The following RANBP9 variants were observed in gnomAD, a reference collection of about 807,000 sequenced individuals.
RANBP9 encodes ran-binding protein 9.
In RANBP9, 15 loss-of-function variants were observed where a neutral mutation model predicts 84.3. That is an observed-to-expected ratio of 0.18 (90% CI 0.12 to 0.27). The LOEUF (loss-of-function observed/expected upper bound fraction) is 0.27, where lower values mean the gene tolerates loss of function less well. RANBP9 is among the 10% of genes least tolerant of loss of function. RANBP9 has a pLI of 1.00. For missense variants in RANBP9, 809 were observed against 912.8 expected (o/e 0.89, Z 1.46); for synonymous variants, 392 against 349.6 (o/e 1.12, Z -1.35).
At chr6:13,640,501 A>G (rs1049379557) in intron 8 of RANBP9, among the ~76,000 whole-genome samples, 2 of 152,226 alleles carry the variant, frequency 1.3e-5, no homozygotes, top group Non-Finnish European at 2.9e-5. Context: ...GGTAGAAGCA[A>G]ACTTTAAGTG....
chr6:13,632,895 T>G (rs947497247), intron 11 of RANBP9: 1 of 159,358 alleles, frequency 6.3e-6, no homozygotes, highest in African/African-American at 2.4e-5. Flanking sequence ...CTGCCTTAAC[T>G]GACGTAGTAG....
chr6:13,636,718 C>T (rs1042195366), intron 10 of RANBP9, among the ~76,000 whole-genome samples: 3 of 152,152 alleles, frequency 2.0e-5, no homozygotes, highest in Non-Finnish European at 4.4e-5. Context: ...CTGTGAAAGA[C>T]GATTTTTCTG....
At chr6:13,653,202 C>T (rs955231283) in intron 4 of RANBP9, among the ~76,000 whole-genome samples, 5 of 152,086 alleles carry the variant, frequency 3.3e-5, no homozygotes, top group Admixed American at 1.3e-4. Flanking sequence ...AATTCTTTAA[C>T]TTATGATTTA....
rs1337154546 is a variant in RANBP9, at chr6:13,711,431, C to T, written c.75G>A (p.Ala25=). ...QQQQLSPPPP[A]ALAPVSGVVL... is the part of the protein sequence containing the mutation. Reference sequence around the variant, plus strand: ...CGACTCCGGAGACTGGGGCCAAGGCCGCCGGCGGTGGCGGCGACAGCTGCT... The same window carrying T: ...CGACTCCGGAGACTGGGGCCAAGGCTGCCGGCGGTGGCGGCGACAGCTGCT... Residue 25 remains alanine, a synonymous_variant, in exon 1 of 14, where the codon GCG becomes GCA. Transcript: ENST00000011619. 1.7e-6 allele frequency: 2 copies of T among 1,195,788 alleles called. No individual in the cohort carries two copies. The highest frequency in any genetic ancestry group is 1.0e-6 in the Non-Finnish European group (1 of 964,848). 74.1% of individuals were successfully genotyped at this position (1,195,788 alleles called of 1,614,324 possible). A position where few individuals can be genotyped will look rare whatever the true frequency, so the allele number is the denominator to read the frequency against.
At chr6:13,704,976 G>T (rs1331095051) in intron 1 of RANBP9, among the ~76,000 whole-genome samples, 1 of 152,102 alleles carries the variant, frequency 6.6e-6, no homozygotes. Flanking sequence ...TGAGCTCTCT[G>T]AATTCAATGA....
intron 13 of RANBP9, among the ~76,000 whole-genome samples, chr6:13,623,005 T>C (rs545009836): frequency 6.6e-6 from 1 of 152,194 alleles, no homozygotes; most frequent in African/African-American, 2.4e-5. Context: ...TAAGTGGTGG[T>C]GGTGACAGTG....
In RANBP9 at chr6:13,657,125, C is replaced by T. The variant is rs1174286494; in HGVS notation, c.888G>A (p.Lys296=). The T allele has an allele frequency of 6.2e-7, 1 of 1,610,344 alleles. No individual in the cohort carries two copies. The highest frequency in any genetic ancestry group is 1.1e-5 in the South Asian group (1 of 90,244). ...NLINNTCFYT[K]NGHSLGIAFT... ...TCTCAGTACCTAAACTATGTCCATTCTTGGTGTAAAAGCAGGTATTGTTGA... is the reference window on the plus strand; with the variant it reads ...TCTCAGTACCTAAACTATGTCCATTTTTGGTGTAAAAGCAGGTATTGTTGA... The change falls in exon 4 of 14, where the codon AAG becomes AAA. Residue 296 remains lysine, a synonymous_variant. Coordinates refer to ENST00000011619, the MANE Select transcript of RANBP9 (RefSeq NM_005493.3).
At chr6:13,677,074 C>T (rs1765901680) in intron 2 of RANBP9, among the ~76,000 whole-genome samples, 1 of 152,100 alleles carries the variant, frequency 6.6e-6, no homozygotes, top group African/African-American at 2.4e-5. Flanking sequence ...AATAAACCTA[C>T]TTTTGTAGCT....
intron 1 of RANBP9, among the ~76,000 whole-genome samples, chr6:13,698,951 G>T (rs531573424): frequency 1.2e-3 from 183 of 152,224 alleles, no homozygotes; most frequent in African/African-American, 4.2e-3. Flanking sequence ...GTCCTATTCT[G>T]ACTACTTCTA....
intron 12 of RANBP9, among the ~76,000 whole-genome samples, chr6:13,626,886 T>G (rs1764621655): frequency 6.6e-6 from 1 of 152,232 alleles, no homozygotes; most frequent in South Asian, 2.1e-4. Flanking sequence ...TTAACTGTAC[T>G]CTTGCCCTTT....
At chr6:13,683,411 T>C (rs930601715) in intron 2 of RANBP9, among the ~76,000 whole-genome samples, 5 of 152,218 alleles carry the variant, frequency 3.3e-5, no homozygotes, top group Admixed American at 3.3e-4. Context: ...CTTAAAGTTA[T>C]ATGACATGGG....
In RANBP9 at chr6:13,622,190, A is replaced by C; in HGVS notation, c.*172T>G. The C allele has an allele frequency of 1.8e-6, 1 of 569,700 alleles. No individual in the cohort carries two copies. Among genetic ancestry groups the C allele is most frequent in the Non-Finnish European group, 2.6e-6 (1 of 383,388 alleles). The allele number at this position is 569,700 out of a possible 1,614,324, so 35.3% of individuals were successfully genotyped here. The stretch of plus-strand genomic sequence containing the variant: ...AAGATGGAAAATAATTTCTCCTAAC[A>C]CTAAGTTAGAAAATCATTTGCATCA... On this transcript the variant is annotated 3_prime_UTR_variant, in exon 14 of 14. Transcript: ENST00000011619.
intron 2 of RANBP9, among the ~76,000 whole-genome samples, chr6:13,662,058 GA>G (rs1765548113): frequency 6.6e-6 from 1 of 152,042 alleles, no homozygotes; most frequent in Admixed American, 6.6e-5. Flanking sequence ...TGTCACAAAA[GA>G]ACTATCTGAC....
chr6:13,682,470 T>C (rs1305985104), intron 2 of RANBP9, among the ~76,000 whole-genome samples: 1 of 151,934 alleles, frequency 6.6e-6, no homozygotes, highest in East Asian at 1.9e-4. Flanking sequence ...TTTTTTTTAA[T>C]TGATGGAGTT....
chr6:13,711,390 G>T lies in RANBP9; in HGVS notation c.116C>A (p.Pro39Gln). 8.5e-7 allele frequency: 1 copy of T among 1,176,206 alleles called. No individual in the cohort carries two copies. The allele number at this position is 1,176,206 out of a possible 1,614,324, so 72.9% of individuals were successfully genotyped here. ...PVSGVVLPAPPAVSAGSSPAG... is the reference protein window; with the variant it reads ...PVSGVVLPAPQAVSAGSSPAG... ...CGGAGAAGAGCCGGCGCTGACGGCC[G>T]GGGGCGCCGGCAGGACGACTCCGGA... The change falls in exon 1 of 14, where the codon CCG (proline) becomes CAG (glutamine). Residue 39 changes from proline (P) to glutamine (Q), a missense_variant. Transcript: ENST00000011619.
chr6:13,690,086 C>T (rs186348940), intron 2 of RANBP9, among the ~76,000 whole-genome samples: 265 of 152,266 alleles, frequency 1.7e-3, no homozygotes, highest in Middle Eastern at 3.4e-3. Context: ...TGTCTTAGAA[C>T]ATGTTCCGTA....
At chr6:13,689,878 T>G (rs1766283223) in intron 2 of RANBP9, among the ~76,000 whole-genome samples, 1 of 152,216 alleles carries the variant, frequency 6.6e-6, no homozygotes, top group South Asian at 2.1e-4. Flanking sequence ...TGCATATTTC[T>G]GCTTCCTGCC....
chr6:13,676,765 C>T (rs75863865), intron 2 of RANBP9, among the ~76,000 whole-genome samples: 3 of 151,904 alleles, frequency 2.0e-5, no homozygotes, highest in African/African-American at 7.3e-5. Flanking sequence ...AGAAAAATCA[C>T]GTGATCAGAC....
At chr6:13,681,911 T>C (rs1274770452) in intron 2 of RANBP9, among the ~76,000 whole-genome samples, 2 of 151,852 alleles carry the variant, frequency 1.3e-5, no homozygotes, top group Non-Finnish European at 2.9e-5. Context: ...CAGGCCAGAG[T>C]GCAGTGAAGC....
Sources: gnomAD v4.1 joint callset for allele counts (sites outside exome capture counted in the v4.1 genomes callset) on GRCh38, gnomAD v4.1.1 for gene constraint, MANE v1.5 for transcripts, NCBI Gene and HGNC (gene_info 2026-07-23, HGNC 2026-07-21) for gene names.